NOS1: variants seen among roughly 807,000 people sequenced by gnomAD.
The protein encoded by NOS1 is nitric oxide synthase 1, also known as NOS type I.
NOS1 carries 51 observed loss-of-function variants against 164.5 expected under a neutral mutation model. The observed-to-expected ratio is 0.31, with a 90% confidence interval of 0.25 to 0.39. The LOEUF (loss-of-function observed/expected upper bound fraction) is 0.39. NOS1 is among the 10% of genes least tolerant of loss of function. The probability of loss-of-function intolerance (pLI) is 1.00; values close to 1 mark genes in which losing one functional copy is unlikely to be tolerated. For synonymous variants in NOS1, 719 were observed against 745.8 expected (o/e 0.96, Z 0.59); for missense variants, 1,362 against 1,885.6 (o/e 0.72, Z 5.14).
At chr12:117,305,337 G>A (rs997974557) in intron 3 of NOS1, among the ~76,000 whole-genome samples, 6 of 152,056 alleles carry the variant, frequency 3.9e-5, no homozygotes, top group Admixed American at 1.3e-4. Flanking sequence ...GGTGGTGGGC[G>A]CCTGTAGTCC....
intron 20 of NOS1, among the ~76,000 whole-genome samples, chr12:117,242,358 G>T (rs1253803438): frequency 1.3e-5 from 2 of 152,216 alleles, no homozygotes; most frequent in Admixed American, 1.3e-4. Context: ...AGCTACAGGG[G>T]TGTGGTCTAC....
At chr12:117,240,710 G>T (rs56265306) in intron 20 of NOS1, among the ~76,000 whole-genome samples, 2 of 152,184 alleles carry the variant, frequency 1.3e-5, no homozygotes, top group African/African-American at 4.8e-5. Flanking sequence ...GAAAGCTCTA[G>T]AAAAACATTA....
chr12:117,331,588 C>T (rs1875550717), intron 1 of NOS1, 99 bp from the exon 2 acceptor site: 1 of 153,292 alleles, frequency 6.5e-6, no homozygotes, highest in Non-Finnish European at 1.5e-5. Flanking sequence ...AAAATGCAGC[C>T]AATTGACAAA....
chr12:117,240,701 A>G (rs180963080), intron 20 of NOS1, among the ~76,000 whole-genome samples: 2 of 152,376 alleles, frequency 1.3e-5, no homozygotes, highest in African/African-American at 4.8e-5. Flanking sequence ...TGGAACACAG[A>G]AAGCTCTAGA....
At chr12:117,248,720 G>T (rs1049626468) in intron 17 of NOS1, among the ~76,000 whole-genome samples, 1 of 152,018 alleles carries the variant, frequency 6.6e-6, no homozygotes, top group African/African-American at 2.4e-5. Context: ...CCAGTAATGG[G>T]ATGGCTGGGT....
At position 117,356,928 on chromosome 12, in the gene NOS1, C is replaced by A. The variant is rs767279632; in HGVS notation, c.-421+4584G>T. ...GGCCGATGGGCTGTGGAAATGAACT[C>A]AAACCAATGGCTTTGGTGAAATCAG... On this transcript the variant is annotated intron_variant, in intron 1 of 28. Transcript: ENST00000317775. The surrounding 1 kb of genome is among the most constrained non-coding windows in gnomAD (Gnocchi z 4.2). 6.6e-6 allele frequency among the ~76,000 whole-genome samples: 1 copy of A among 152,202 alleles called. No individual in the cohort carries two copies. Among genetic ancestry groups the A allele is most frequent in the Non-Finnish European group, 1.5e-5 (1 of 68,040 alleles).
chr12:117,231,444 G>A (rs1046266543), intron 22 of NOS1, among the ~76,000 whole-genome samples: 4 of 151,978 alleles, frequency 2.6e-5, no homozygotes, highest in African/African-American at 7.3e-5. Context: ...CCAACACAAA[G>A]AAATGATGAA....
intron 28 of NOS1, among the ~76,000 whole-genome samples, chr12:117,215,713 G>A (rs1399932936): frequency 2.6e-5 from 4 of 152,052 alleles, no homozygotes; most frequent in African/African-American, 4.8e-5. Context: ...GATTGCAGGC[G>A]TGAGCCACTG....
At position 117,209,357 on chromosome 12, in the gene NOS1, C is replaced by T. The variant is rs574150086; in HGVS notation, c.*5952G>A. Reference sequence around the variant, plus strand: ...CCTACAGTACCCAAGACGGCCCCCACAAGAAAGAATTACCCAGCCCCAAAT... The same window carrying T: ...CCTACAGTACCCAAGACGGCCCCCATAAGAAAGAATTACCCAGCCCCAAAT... On this transcript the variant is annotated 3_prime_UTR_variant, in exon 29 of 29. Coordinates refer to ENST00000317775, the MANE Select transcript of NOS1 (RefSeq NM_000620.5). 49 of 980,652 alleles carry T rather than the reference C, an allele frequency of 5.0e-5. 1 individual carries two copies. In the African/African-American group the frequency reaches 8.0e-4, roughly 16 times the overall value. 60.7% of individuals were successfully genotyped at this position (980,652 alleles called of 1,614,324 possible).
At chr12:117,216,678 TGCG>T (rs1360009259) in intron 28 of NOS1, among the ~76,000 whole-genome samples, 1 of 151,694 alleles carries the variant, frequency 6.6e-6, no homozygotes, top group Non-Finnish European at 1.5e-5. Context: ...AGGGTCTCCT[TGCG>T]TTGCCCAGGC....
At position 117,210,737 on chromosome 12, in the gene NOS1, G is replaced by A. The variant is rs1268258628; in HGVS notation, c.*4572C>T. On this transcript the variant is annotated 3_prime_UTR_variant, in exon 29 of 29. Coordinates refer to ENST00000317775, the MANE Select transcript of NOS1 (RefSeq NM_000620.5). Reference sequence around the variant, plus strand: ...TCCAGAGCAGGCAGCTGCTGAAAGCGTGTTTGGTCAGAAGATTCTGTGTTC... The same window carrying A: ...TCCAGAGCAGGCAGCTGCTGAAAGCATGTTTGGTCAGAAGATTCTGTGTTC... The A allele has an allele frequency of 8.1e-6, 8 of 985,286 alleles. No homozygotes were observed. Among genetic ancestry groups the A allele is most frequent in the Admixed American group, 6.2e-5 (1 of 16,252 alleles). The allele number at this position is 985,286 out of a possible 1,614,324, so 61.0% of individuals were successfully genotyped here. A position where few individuals can be genotyped will look rare whatever the true frequency, so the allele number is the denominator to read the frequency against.
chr12:117,281,693 C>T (rs1873682253), intron 7 of NOS1, among the ~76,000 whole-genome samples: 1 of 149,716 alleles, frequency 6.7e-6, no homozygotes, highest in Admixed American at 6.7e-5. Context: ...AATTAGCTGG[C>T]TGTGGTGGGG....
intron 12 of NOS1, among the ~76,000 whole-genome samples, chr12:117,264,632 CT>C (rs1393536684): frequency 7.5e-5 from 10 of 132,818 alleles, no homozygotes; most frequent in Non-Finnish European, 1.1e-4. Flanking sequence ...CTCTCTCTCC[CT>C]TTCCCCCCTC....
At chr12:117,241,273 T>G (rs918183836) in intron 20 of NOS1, among the ~76,000 whole-genome samples, 5 of 152,008 alleles carry the variant, frequency 3.3e-5, no homozygotes, top group Admixed American at 2.6e-4. Context: ...GGTCTTTGCA[T>G]TAGTTCCCAT....
At chr12:117,222,677 T>C (rs1326953105) in intron 26 of NOS1, 38 bp downstream of exon 26, 10 of 1,601,516 alleles carry the variant, frequency 6.2e-6, no homozygotes, top group Non-Finnish European at 8.5e-6. Flanking sequence ...TGTGCATGTG[T>C]GTTGGGCTGG....
chr12:117,351,017 T>C (rs967794249), intron 1 of NOS1, among the ~76,000 whole-genome samples: 3 of 152,086 alleles, frequency 2.0e-5, no homozygotes, highest in Non-Finnish European at 4.4e-5. Context: ...AGGAGGCTGA[T>C]GCAGGAGAAT....
intron 12 of NOS1, among the ~76,000 whole-genome samples, chr12:117,265,104 C>T (rs1872281533): frequency 6.6e-6 from 1 of 152,170 alleles, no homozygotes; most frequent in Non-Finnish European, 1.5e-5. Flanking sequence ...CCTCAACCTC[C>T]CAAATCACTG....
At chr12:117,304,033 G>T (rs181050002) in intron 3 of NOS1, among the ~76,000 whole-genome samples, 1 of 152,142 alleles carries the variant, frequency 6.6e-6, no homozygotes, top group Non-Finnish European at 1.5e-5. Context: ...TTAGCCGGGC[G>T]TGGCGGCGTG....
intron 11 of NOS1, among the ~76,000 whole-genome samples, chr12:117,266,377 A>G (rs986398564): frequency 3.3e-5 from 5 of 152,020 alleles, no homozygotes; most frequent in Admixed American, 1.3e-4. Flanking sequence ...TTCATTCCTG[A>G]GTTACTTCAC....
Sources: gnomAD v4.1 joint callset for allele counts (sites outside exome capture counted in the v4.1 genomes callset) on GRCh38, gnomAD v4.1.1 for gene constraint, Gnocchi (gnomAD v3.1) non-coding constraint, MANE v1.5 for transcripts, NCBI Gene and HGNC (gene_info 2026-07-23, HGNC 2026-07-21) for gene names.